Variants in NDUFAF6 observed in about 807,000 individuals in gnomAD.
The protein encoded by NDUFAF6 is NADH dehydrogenase (ubiquinone) complex I, assembly factor 6.
A neutral mutation model predicts 40.8 loss-of-function variants in NDUFAF6; 45 were observed. That is an observed-to-expected ratio of 1.10 (90% CI 0.87 to 1.42). NDUFAF6 has a LOEUF of 1.42. Ranked by LOEUF, NDUFAF6 falls within the 40% of genes most tolerant of loss-of-function variation. NDUFAF6 has a pLI of 0.00. For synonymous variants in NDUFAF6, 185 were observed against 155.9 expected (o/e 1.19, Z -1.39); for missense variants, 435 against 418.5 (o/e 1.04, Z -0.34).
chr8:95,004,167 C>A (rs1468175636), intron 2 of NDUFAF6, among the ~76,000 whole-genome samples: 1 of 152,016 alleles, frequency 6.6e-6, no homozygotes, highest in Non-Finnish European at 1.5e-5. Flanking sequence ...GAGGAGGATG[C>A]CAGCTGATCA....
At chr8:95,117,518 T>C (rs921233885), downstream of NDUFAF6, among the ~76,000 whole-genome samples, 7 of 152,236 alleles carry the variant, frequency 4.6e-5, no homozygotes, top group African/African-American at 1.7e-4. Context: ...ATGCCTGTTA[T>C]TTTGGGCATT....
chr8:94,945,908 C>T (rs1159545678), intron 2 of NDUFAF6, among the ~76,000 whole-genome samples: 1 of 152,180 alleles, frequency 6.6e-6, no homozygotes, highest in Non-Finnish European at 1.5e-5. Context: ...TGTCTGGGCC[C>T]TAGCATTTCA....
intron 2 of NDUFAF6, among the ~76,000 whole-genome samples, chr8:95,089,761 G>A (rs1177993072): frequency 6.6e-6 from 1 of 152,170 alleles, no homozygotes; most frequent in East Asian, 1.9e-4. Flanking sequence ...GTGGTCATCT[G>A]CACTTGCTCA....
At chr8:94,911,425 C>T (rs1818771870) in intron 1 of NDUFAF6, among the ~76,000 whole-genome samples, 1 of 152,108 alleles carries the variant, frequency 6.6e-6, no homozygotes, top group African/African-American at 2.4e-5. Context: ...CTTTCTTTTT[C>T]CTCCCACATA....
intron 1 of NDUFAF6, among the ~76,000 whole-genome samples, chr8:95,030,820 G>C (rs1008297954): frequency 7.9e-5 from 12 of 152,196 alleles, no homozygotes; most frequent in African/African-American, 2.7e-4. Context: ...GGTTCTGCAG[G>C]CTGTGCAAGA....
chr8:94,934,137 C>T (rs904970213), intron 1 of NDUFAF6, among the ~76,000 whole-genome samples: 4 of 97,976 alleles, frequency 4.1e-5, no homozygotes, highest in African/African-American at 9.2e-5. Context: ...TTTATGTGTA[C>T]GTACAGGCAC....
chr8:95,052,315 A>C (rs2131949309), intron 8 of NDUFAF6, 85 bp downstream of exon 8: 1 of 1,426,098 alleles, frequency 7.0e-7, no homozygotes. Context: ...TTCCCAATGA[A>C]CTTCTTTAGT....
Position 94,932,283 on chromosome 8 carries a change from C to T in NDUFAF6, c.-935-13200C>T, listed in dbSNP as rs772377549. On this transcript the variant is annotated intron_variant, in intron 1 of 14. Transcript: ENST00000396113. ...CCTTCAAAAACAATACTTATAAAGG[C>T]TAAAATGCAATGAAATGTATACCCT... 4.5e-4 allele frequency among the ~76,000 whole-genome samples: 69 copies of T among 152,276 alleles called. 1 individual carries two copies. The highest frequency in any genetic ancestry group is 6.8e-3 in the Middle Eastern group (2 of 294).
chr8:95,047,835 A>C (rs1167950014), intron 6 of NDUFAF6, among the ~76,000 whole-genome samples: 1 of 151,710 alleles, frequency 6.6e-6, no homozygotes, highest in African/African-American at 2.4e-5. Context: ...TATGAGATTC[A>C]TTATTTGTTC....
intron 1 of NDUFAF6, among the ~76,000 whole-genome samples, chr8:94,963,735 C>T (rs1823786614): frequency 6.6e-6 from 1 of 152,154 alleles, no homozygotes; most frequent in African/African-American, 2.4e-5. Context: ...TTGGCAAATA[C>T]CCATGACAGC....
upstream of NDUFAF6, among the ~76,000 whole-genome samples, chr8:94,953,349 G>GAAA (rs958962990): frequency 2.0e-4 from 26 of 128,638 alleles, no homozygotes; most frequent in African/African-American, 2.6e-4. Flanking sequence ...TCCATCTCAA[G>GAAA]AAAAAAAAAA....
chr8:94,947,478 G>A (rs1217236437), intron 2 of NDUFAF6, among the ~76,000 whole-genome samples: 1 of 152,030 alleles, frequency 6.6e-6, no homozygotes, highest in African/African-American at 2.4e-5. Context: ...ATTTAAAATG[G>A]GTTTTGAACT....
Position 95,092,863 on chromosome 8 carries a change from G to A in NDUFAF6, n.214-8269G>A, listed in dbSNP as rs908147569. On this transcript the variant is annotated intron_variant and non_coding_transcript_variant, in intron 2 of 5. Coordinates refer to the NDUFAF6 transcript ENST00000523184. ...CCTCCCAGGTGCTGGGATCACAGGC[G>A]TTAGCCACCGCTCCCGGCCTGCTGA... 5.3e-5 allele frequency among the ~76,000 whole-genome samples: 8 copies of A among 152,312 alleles called. No homozygotes were observed. In the South Asian group the frequency reaches 8.3e-4, roughly 16 times the overall value.
upstream of NDUFAF6, chr8:95,024,839 G>A (rs1827870728): frequency 1.9e-6 from 1 of 539,394 alleles, no homozygotes; most frequent in Non-Finnish European, 2.8e-6. Context: ...AAAGAGTCGC[G>A]GCGGCGGCCC....
chr8:95,020,820 A>T (rs747539240), upstream of NDUFAF6, among the ~76,000 whole-genome samples: 2 of 152,222 alleles, frequency 1.3e-5, no homozygotes, highest in South Asian at 2.1e-4. Context: ...GTGATCAAAC[A>T]TGAACACAAA....
At chr8:94,961,310 AT>A in intron 1 of NDUFAF6, among the ~76,000 whole-genome samples, 1 of 152,364 alleles carries the variant, frequency 6.6e-6, no homozygotes, top group Middle Eastern at 3.4e-3. Flanking sequence ...AACTTTTACC[AT>A]TTTAAATCAG....
At chr8:95,036,287 C>T in intron 3 of NDUFAF6, 1 of 1,276,056 alleles carries the variant, frequency 7.8e-7, no homozygotes, top group South Asian at 1.3e-5. Context: ...GATCTGTGTC[C>T]CTGTTGTAAT....
At chr8:95,091,420 C>G (rs1809247532) in intron 2 of NDUFAF6, among the ~76,000 whole-genome samples, 1 of 152,014 alleles carries the variant, frequency 6.6e-6, no homozygotes, top group Admixed American at 6.6e-5. Flanking sequence ...ATGATACAGT[C>G]ACCTCCCACA....
intron 2 of NDUFAF6, among the ~76,000 whole-genome samples, chr8:95,000,138 ACCAGCCTGGGCAACATG>A (rs1826653077): frequency 6.6e-6 from 1 of 151,982 alleles, no homozygotes; most frequent in African/African-American, 2.4e-5. Flanking sequence ...GGAATTCGAG[ACCAGCCTGGGCAACATG>A]CCAAAACCCC....
Sources: allele counts gnomAD v4.1 joint callset (sites outside exome capture counted in the v4.1 genomes callset), GRCh38; gene constraint gnomAD v4.1.1; transcripts MANE v1.5; gene names NCBI Gene and HGNC (gene_info 2026-07-23, HGNC 2026-07-21).